CCDC30: variants seen among roughly 807,000 people sequenced by gnomAD.
CCDC30 encodes coiled-coil domain containing 30, also known as coiled-coil domain-containing protein 30.
Under a neutral mutation model 100.2 loss-of-function variants are expected in CCDC30, and 70 were observed. The ratio of observed to expected loss-of-function variants is 0.70; its 90% CI spans 0.58 to 0.85. The LOEUF is 0.85. Ranked by LOEUF, CCDC30 falls within the 40% of genes least tolerant of loss-of-function variation. CCDC30 has a pLI of 0.00. For missense variants in CCDC30, 652 were observed against 771.2 expected, an observed-to-expected ratio of 0.85 and a Z score of 1.83; for synonymous variants, 233 against 269.5, an observed-to-expected ratio of 0.86 and a Z score of 1.33.
At chr1:42,529,234 A>G (rs12407867) in intron 6 of CCDC30, among the ~76,000 whole-genome samples, 20,727 of 152,180 alleles carry the variant, frequency 0.14, 1,557 homozygotes, top group East Asian at 0.19. Flanking sequence ...AGTACTTTGG[A>G]AAGCCAAGGT....
chr1:42,527,206 A>G (rs1448668467), intron 6 of CCDC30, among the ~76,000 whole-genome samples: 1 of 152,232 alleles, frequency 6.6e-6, no homozygotes, highest in African/African-American at 2.4e-5. Flanking sequence ...CCTACTACAG[A>G]GCTGATAACT....
At chr1:42,559,759 A>G (rs984977752) in intron 6 of CCDC30, among the ~76,000 whole-genome samples, 5 of 152,206 alleles carry the variant, frequency 3.3e-5, no homozygotes, top group African/African-American at 1.2e-4. Flanking sequence ...AAGGATATTC[A>G]GGACTTGAAC....
rs369089281 is a variant in CCDC30, at chr1:42,642,485, C to A, written c.1432C>A (p.Gln478Lys). 5 of 1,584,598 alleles carry A rather than the reference C, an allele frequency of 3.2e-6. No individual in the cohort carries two copies. The East Asian group carries it at 1.2e-4, about 37-fold the overall frequency. The stretch of plus-strand genomic sequence containing the variant: ...TTCTAATCCCTAGGAGAAGGCAATA[C>A]AGGACCAGATCACTGCCCAAAATGA... The change falls in exon 13 of 17, where the codon CAG (glutamine) becomes AAG (lysine). Residue 478 changes from glutamine to lysine, a missense_variant. Physicochemically the swap from Gln to Lys is moderately conservative, Grantham distance 53 (BLOSUM62 1). Transcript: ENST00000668663.
At chr1:42,456,164 G>C in the CCDC30 span, 1 of 651,988 alleles carries the variant, frequency 1.5e-6, no homozygotes, top group African/African-American at 1.8e-5. Context: ...AGTTGGAAAA[G>C]GGGAAGAAAG....
intron 11 of CCDC30, among the ~76,000 whole-genome samples, chr1:42,618,774 A>G (rs145339470): frequency 1.0e-3 from 152 of 152,290 alleles, no homozygotes; most frequent in African/African-American, 3.4e-3. Context: ...ACCATCTTTA[A>G]CATGTTTCCC....
At chr1:42,467,179 T>G (rs181317940) in intron 1 of CCDC30, among the ~76,000 whole-genome samples, 6 of 152,228 alleles carry the variant, frequency 3.9e-5, no homozygotes, top group African/African-American at 1.4e-4. Flanking sequence ...GTGAAGAATA[T>G]CTGGTCCCAA....
At chr1:42,509,010 C>T (rs751867052) in intron 6 of CCDC30, among the ~76,000 whole-genome samples, 1 of 152,152 alleles carries the variant, frequency 6.6e-6, no homozygotes, top group Non-Finnish European at 1.5e-5. Flanking sequence ...TTGAACTTTA[C>T]AAAAAGTAAC....
At chr1:42,580,350 T>C (rs544435832) in intron 8 of CCDC30, among the ~76,000 whole-genome samples, 59 of 152,260 alleles carry the variant, frequency 3.9e-4, no homozygotes, top group African/African-American at 1.3e-3. Flanking sequence ...GGGCTTGGGA[T>C]TGATGCAGAA....
chr1:42,606,600 A>G (rs1646506527), intron 10 of CCDC30, among the ~76,000 whole-genome samples: 1 of 152,190 alleles, frequency 6.6e-6, no homozygotes, highest in Admixed American at 6.5e-5. Context: ...TCTTTGCATG[A>G]GCAGGTTCCT....
At chr1:42,629,484 T>G (rs1033823850) in intron 11 of CCDC30, among the ~76,000 whole-genome samples, 1 of 152,196 alleles carries the variant, frequency 6.6e-6, no homozygotes, top group Non-Finnish European at 1.5e-5. Flanking sequence ...GTTTGATTAT[T>G]AAATGTCTTG....
At chr1:42,613,924 C>T (rs1433508348) in intron 11 of CCDC30, among the ~76,000 whole-genome samples, 1 of 152,096 alleles carries the variant, frequency 6.6e-6, no homozygotes, top group Non-Finnish European at 1.5e-5. Flanking sequence ...TTTTACCCAG[C>T]TTATTCAACA....
chr1:42,506,597 A>G (rs1644398689), intron 6 of CCDC30, among the ~76,000 whole-genome samples: 1 of 152,208 alleles, frequency 6.6e-6, no homozygotes, highest in Admixed American at 6.5e-5. Flanking sequence ...AATATAACCT[A>G]AAGAAGATTG....
rs115414075 is a variant in CCDC30 at position 42,528,913 on chromosome 1, A to G, written c.456+29997A>G. On this transcript the variant is annotated intron_variant, in intron 6 of 16. Coordinates refer to ENST00000668663, the Ensembl canonical transcript of CCDC30. ...TCAAAAGATGTTCAGAAAAGATCAC[A>G]TGGTTTTCCCTAACGTTTAACATTA... Among the ~76,000 whole-genome samples, 902 of 152,342 alleles carry G rather than the reference A, an allele frequency of 5.9e-3. 8 individuals are homozygous for G. The highest frequency in any genetic ancestry group is 0.02 in the African/African-American group (832 of 41,580).
At chr1:42,475,034 C>T (rs1428949877) in intron 1 of CCDC30, among the ~76,000 whole-genome samples, 4 of 152,002 alleles carry the variant, frequency 2.6e-5, no homozygotes, top group Admixed American at 2.6e-4. Flanking sequence ...GATATCATGA[C>T]CATATTTCCT....
intron 11 of CCDC30, among the ~76,000 whole-genome samples, chr1:42,616,113 G>A (rs971193581): frequency 4.6e-5 from 7 of 151,904 alleles, no homozygotes; most frequent in African/African-American, 1.7e-4. Flanking sequence ...ACAGGGTTTC[G>A]CCATATTGGC....
chr1:42,630,388 T>C (rs1192380632), intron 11 of CCDC30, among the ~76,000 whole-genome samples: 3 of 151,912 alleles, frequency 2.0e-5, no homozygotes, highest in Non-Finnish European at 4.4e-5. Flanking sequence ...TTTCTTTTTT[T>C]CTTTTTTTTT....
intron 11 of CCDC30, among the ~76,000 whole-genome samples, chr1:42,621,388 T>C (rs1433671444): frequency 6.6e-6 from 1 of 151,826 alleles, no homozygotes; most frequent in Non-Finnish European, 1.5e-5. Context: ...CAATCTCAGC[T>C]CACTGCAGCC....
intron 6 of CCDC30, among the ~76,000 whole-genome samples, chr1:42,500,968 C>T (rs993477362): frequency 6.6e-6 from 1 of 152,052 alleles, no homozygotes; most frequent in African/African-American, 2.4e-5. Flanking sequence ...TATTCTATGA[C>T]ATGTCTTTCA....
At chr1:42,637,491 C>A in intron 12 of CCDC30, 113 bp downstream of exon 16, 1 of 971,284 alleles carries the variant, frequency 1.0e-6, no homozygotes, top group Non-Finnish European at 1.5e-6. Context: ...TCCTCGTTTT[C>A]ATTTCTTTTC....
Sources: allele counts gnomAD v4.1 joint callset (sites outside exome capture counted in the v4.1 genomes callset), GRCh38; gene constraint gnomAD v4.1.1; transcripts MANE v1.5; gene names NCBI Gene and HGNC (gene_info 2026-07-23, HGNC 2026-07-21).